The following ANKRD44 variants were observed in gnomAD, a reference collection of about 807,000 sequenced individuals.
ANKRD44 encodes ankyrin repeat domain 44, also known as serine/threonine-protein phosphatase 6 regulatory ankyrin repeat subunit B.
ANKRD44 carries 35 observed loss-of-function variants against 116.0 expected under a neutral mutation model. The observed-to-expected ratio is 0.30, with a 90% CI of 0.23 to 0.40. ANKRD44 has a LOEUF of 0.40. ANKRD44 is among the 10% of genes least tolerant of loss of function. The probability of loss-of-function intolerance (pLI) is 1.00; values close to 1 mark genes in which losing one functional copy is unlikely to be tolerated. For missense variants in ANKRD44, 1,014 were observed against 1,242.6 expected (o/e 0.82, Z 2.77); for synonymous variants, 435 against 461.8 (o/e 0.94, Z 0.74).
At chr2:197,282,987 T>C (rs918547438) in intron 1 of ANKRD44, among the ~76,000 whole-genome samples, 1 of 152,246 alleles carries the variant, frequency 6.6e-6, no homozygotes, top group Non-Finnish European at 1.5e-5. Flanking sequence ...TGGTATTCTA[T>C]ATCTGTTCAG....
At position 196,980,896 on chromosome 2, in the gene ANKRD44, G is replaced by C. The variant is rs151110508; in HGVS notation, c.2368+12687C>G. ...CTTAAAGTAAAATACCTGAATAATA[G>C]ATGTTTTGAAGTAGTTAAATGTTCT... On this transcript the variant is annotated intron_variant, in intron 21 of 21. Transcript: ENST00000424317. 3.4e-3 allele frequency among the ~76,000 whole-genome samples: 524 copies of C among 152,290 alleles called. 1 individual carries two copies. The highest frequency in any genetic ancestry group is 0.012 in the African/African-American group (479 of 41,546).
chr2:197,124,408 C>T (rs2078929754), intron 6 of ANKRD44, among the ~76,000 whole-genome samples: 1 of 152,128 alleles, frequency 6.6e-6, no homozygotes, highest in South Asian at 2.1e-4. Flanking sequence ...CATAAATCCC[C>T]AAAGACAATC....
At chr2:197,289,738 G>A (rs1270228625) in intron 1 of ANKRD44, among the ~76,000 whole-genome samples, 1 of 152,166 alleles carries the variant, frequency 6.6e-6, no homozygotes, top group Admixed American at 6.5e-5. Context: ...AGAACTCTTT[G>A]GGGGTGATAG....
intron 23 of ANKRD44, among the ~76,000 whole-genome samples, chr2:196,999,945 T>C (rs1289396552): frequency 6.6e-6 from 1 of 152,114 alleles, no homozygotes; most frequent in Non-Finnish European, 1.5e-5. Flanking sequence ...CAGCAAAATA[T>C]TGGAAACAAT....
chr2:197,221,408 G>C (rs1359601369), intron 1 of ANKRD44, among the ~76,000 whole-genome samples: 1 of 152,112 alleles, frequency 6.6e-6, no homozygotes, highest in Non-Finnish European at 1.5e-5. Context: ...CTCCTGAGTA[G>C]CTGAGACTAC....
intron 21 of ANKRD44, among the ~76,000 whole-genome samples, chr2:196,975,512 G>A (rs535826468): frequency 1.2e-3 from 183 of 152,008 alleles, no homozygotes; most frequent in African/African-American, 3.7e-3. Context: ...GGCTGGGTGC[G>A]GTGGCTCACG....
At chr2:197,253,126 A>T (rs1246375368) in intron 1 of ANKRD44, among the ~76,000 whole-genome samples, 1 of 152,228 alleles carries the variant, frequency 6.6e-6, no homozygotes, top group Non-Finnish European at 1.5e-5. Flanking sequence ...TAAAAGTCAA[A>T]AAAACAGCTC....
chr2:197,310,318 T>C, intron 1 of ANKRD44, among the ~76,000 whole-genome samples: 1 of 88,518 alleles, frequency 1.1e-5, no homozygotes. Flanking sequence ...GCCGCCGCAC[T>C]CCCGCACGCC....
At chr2:197,222,228 T>C (rs2081600233) in intron 1 of ANKRD44, among the ~76,000 whole-genome samples, 1 of 152,140 alleles carries the variant, frequency 6.6e-6, no homozygotes, top group African/African-American at 2.4e-5. Flanking sequence ...TTATCCCCCA[T>C]GGTACCTGCT....
At chr2:197,104,872 C>A (rs2078386665) in intron 9 of ANKRD44, among the ~76,000 whole-genome samples, 1 of 152,224 alleles carries the variant, frequency 6.6e-6, no homozygotes, top group African/African-American at 2.4e-5. Flanking sequence ...TTAGCACACA[C>A]AGGATTTTGG....
chr2:197,283,912 A>G (rs1348002730), intron 1 of ANKRD44, among the ~76,000 whole-genome samples: 2 of 152,170 alleles, frequency 1.3e-5, no homozygotes, highest in Admixed American at 1.3e-4. Flanking sequence ...GCATTATTTT[A>G]AAGAATAGCT....
intron 8 of ANKRD44, among the ~76,000 whole-genome samples, chr2:197,111,593 C>G (rs1228006091): frequency 6.7e-6 from 1 of 149,794 alleles, no homozygotes; most frequent in African/African-American, 2.5e-5. Context: ...GAGCCAAGAT[C>G]GTGCCACTGC....
intron 16 of ANKRD44, among the ~76,000 whole-genome samples, chr2:197,058,082 C>T (rs1559027783): frequency 1.3e-5 from 2 of 151,978 alleles, no homozygotes; most frequent in Admixed American, 6.6e-5. Flanking sequence ...AAGCAATACC[C>T]GGTATACTGT....
chr2:197,305,168 C>A lies in ANKRD44; in HGVS notation c.27+5410G>T, dbSNP rs554023881. 3.3e-5 allele frequency among the ~76,000 whole-genome samples: 5 copies of A among 151,976 alleles called. No individual in the cohort carries two copies. The South Asian group carries it at 1.0e-3, about 32-fold the overall frequency. On this transcript the variant is annotated intron_variant, in intron 1 of 27. Transcript: ENST00000282272. ...TCACAAACATTTATAAATGTTGTTT[C>A]ATACATGATGTGTCAGGAAAAAAAA...
chr2:197,227,945 A>G (rs1005444870), intron 1 of ANKRD44, among the ~76,000 whole-genome samples: 3 of 152,264 alleles, frequency 2.0e-5, no homozygotes, highest in Admixed American at 6.5e-5. Context: ...TGAAGTCTGT[A>G]TCACCAGATA....
rs771169700 is a variant in ANKRD44, at chr2:197,225,571, T to G, written c.28-38465A>C. Among the ~76,000 whole-genome samples the G allele has an allele frequency of 5.3e-5, 8 of 152,334 alleles. No individual in the cohort carries two copies. The Middle Eastern group carries it at 0.014, about 259-fold the overall frequency. ...GATGGCCAGGCTGGTTTTGAACTCC[T>G]GACCTCAAGTGATCTACCCGCCTCA... On this transcript the variant is annotated intron_variant, in intron 1 of 27. Coordinates refer to ENST00000282272, the MANE Select transcript of ANKRD44 (RefSeq NM_001195144.2).
chr2:197,125,085 C>T (rs548624668), intron 6 of ANKRD44, among the ~76,000 whole-genome samples: 28 of 152,330 alleles, frequency 1.8e-4, no homozygotes, highest in Admixed American at 5.9e-4. Context: ...ACTGCCATGA[C>T]AAGTTAAAAT....
At chr2:197,026,058 A>AAAAAAC (rs201556593) in intron 16 of ANKRD44, among the ~76,000 whole-genome samples, 8 of 151,932 alleles carry the variant, frequency 5.3e-5, no homozygotes, top group Non-Finnish European at 7.4e-5. Flanking sequence ...AAAAAAAAAA[A>AAAAAAC]AAACACCTTT....
At chr2:197,284,146 G>C (rs2083340014) in intron 1 of ANKRD44, among the ~76,000 whole-genome samples, 1 of 152,164 alleles carries the variant, frequency 6.6e-6, no homozygotes, top group East Asian at 1.9e-4. Flanking sequence ...AAGATGGAAA[G>C]ACATCTATAC....
Sources: allele counts gnomAD v4.1 joint callset (sites outside exome capture counted in the v4.1 genomes callset), GRCh38; gene constraint gnomAD v4.1.1; transcripts MANE v1.5; gene names NCBI Gene and HGNC (gene_info 2026-07-23, HGNC 2026-07-21).